Variants in LRRC20 observed in about 807,000 individuals in gnomAD.
The protein encoded by LRRC20 is leucine-rich repeat-containing protein 20.
A neutral mutation model predicts 14.4 loss-of-function variants in LRRC20; 11 were observed. The observed-to-expected ratio is 0.77, with a 90% CI of 0.48 to 1.27. The LOEUF (loss-of-function observed/expected upper bound fraction) is 1.27. Ranked by LOEUF, LRRC20 falls within the 50% of genes most tolerant of loss-of-function variation. The probability of loss-of-function intolerance (pLI) is 0.00; values close to 1 mark genes in which losing one functional copy is unlikely to be tolerated. For synonymous variants in LRRC20, 121 were observed against 107.3 expected, an observed-to-expected ratio of 1.13 and a Z score of -0.79; for missense variants, 219 against 251.2, an observed-to-expected ratio of 0.87 and a Z score of 0.87.
intron 4 of LRRC20, among the ~76,000 whole-genome samples, chr10:70,312,869 G>A (rs1237487247): frequency 1.3e-5 from 2 of 152,214 alleles, no homozygotes; most frequent in East Asian, 3.8e-4. Context: ...AGGATGGGAA[G>A]CACGGGATGT....
At position 70,374,037 on chromosome 10, in the gene LRRC20, G is replaced by T. The variant is rs1020295453; in HGVS notation, c.82+2415C>A. 2.0e-5 allele frequency among the ~76,000 whole-genome samples: 3 copies of T among 152,290 alleles called. No homozygotes were observed. In the South Asian group the frequency reaches 6.2e-4, roughly 32 times the overall value. On this transcript the variant is annotated intron_variant, in intron 2 of 4. Coordinates refer to ENST00000446961, the MANE Select transcript of LRRC20 (RefSeq NM_001278212.2). ...GACCTTGCAATCTCCAGTCCACAGAGGTTGAAGTTCAGGGGCTCCTCAACA... is the reference window on the plus strand; with the variant it reads ...GACCTTGCAATCTCCAGTCCACAGATGTTGAAGTTCAGGGGCTCCTCAACA...
Position 70,361,436 on chromosome 10 carries a change from A to G in LRRC20, c.82+15016T>C, listed in dbSNP as rs145327015. On this transcript the variant is annotated intron_variant, in intron 2 of 4. Transcript: ENST00000446961. The stretch of plus-strand genomic sequence containing the variant: ...ACTGCCCTCAAGAAAACAAAACGGT[A>G]TAATGGGAGAGCAGGTAACTGAGGC... 7.2e-5 allele frequency among the ~76,000 whole-genome samples: 11 copies of G among 152,368 alleles called. No individual in the cohort carries two copies. In the East Asian group the frequency reaches 2.1e-3, roughly 29 times the overall value.
chr10:70,365,554 G>A (rs1321873204), intron 2 of LRRC20, among the ~76,000 whole-genome samples: 2 of 152,176 alleles, frequency 1.3e-5, no homozygotes, highest in African/African-American at 4.8e-5. Context: ...GAGCCAGGCA[G>A]GTGGCATGCA....
At chr10:70,335,252 T>C (rs1373450013) in intron 3 of LRRC20, among the ~76,000 whole-genome samples, 1 of 152,222 alleles carries the variant, frequency 6.6e-6, no homozygotes. Flanking sequence ...CATTGCTGGA[T>C]GCTCCCCAAC....
intron 4 of LRRC20, among the ~76,000 whole-genome samples, chr10:70,303,336 T>G (rs1841288929): frequency 6.6e-6 from 1 of 152,144 alleles, no homozygotes; most frequent in Non-Finnish European, 1.5e-5. Context: ...TGGGTCTATC[T>G]AAGGGAGGTT....
intron 4 of LRRC20, among the ~76,000 whole-genome samples, chr10:70,321,028 C>T (rs1842059996): frequency 6.6e-6 from 1 of 152,134 alleles, no homozygotes; most frequent in Non-Finnish European, 1.5e-5. Flanking sequence ...TGGGGAGGTC[C>T]CTTTAGGGTG....
chr10:70,372,026 G>C (rs1438767044), intron 2 of LRRC20, among the ~76,000 whole-genome samples: 1 of 152,040 alleles, frequency 6.6e-6, no homozygotes, highest in South Asian at 2.1e-4. Context: ...CTCTACAGGG[G>C]ATCTCCCACT....
At chr10:70,343,221 G>C (rs1842974606) in intron 2 of LRRC20, among the ~76,000 whole-genome samples, 1 of 152,126 alleles carries the variant, frequency 6.6e-6, no homozygotes, top group African/African-American at 2.4e-5. Context: ...ACCCTGTGTT[G>C]TATTAATCCC....
At chr10:70,331,414 C>A (rs1460243093) in intron 3 of LRRC20, among the ~76,000 whole-genome samples, 2 of 152,152 alleles carry the variant, frequency 1.3e-5, no homozygotes, top group Admixed American at 1.3e-4. Context: ...CCAAACCAGG[C>A]ATTTAAGGTT....
chr10:70,320,818 A>G (rs1021610727), intron 4 of LRRC20, among the ~76,000 whole-genome samples: 1 of 152,190 alleles, frequency 6.6e-6, no homozygotes, highest in Non-Finnish European at 1.5e-5. Context: ...AAGCAGACAG[A>G]AGTATCCTTG....
At chr10:70,341,700 G>A (rs967358110) in intron 2 of LRRC20, among the ~76,000 whole-genome samples, 1 of 152,252 alleles carries the variant, frequency 6.6e-6, no homozygotes, top group East Asian at 1.9e-4. Flanking sequence ...CCTGGGAGGT[G>A]GGAGTTACAG....
At chr10:70,302,972 AG>A (rs1401402950) in intron 4 of LRRC20, among the ~76,000 whole-genome samples, 5 of 151,872 alleles carry the variant, frequency 3.3e-5, no homozygotes, top group African/African-American at 1.2e-4. Context: ...GGCCTCCCAA[AG>A]TGCTGGGATT....
intron 3 of LRRC20, among the ~76,000 whole-genome samples, chr10:70,328,336 G>A (rs1304102940): frequency 2.0e-5 from 3 of 151,050 alleles, no homozygotes; most frequent in Admixed American, 6.6e-5. Context: ...TTGCTCTTTC[G>A]CCCAGGCTGG....
At chr10:70,343,726 G>A (rs1416178398) in intron 2 of LRRC20, among the ~76,000 whole-genome samples, 1 of 152,176 alleles carries the variant, frequency 6.6e-6, no homozygotes, top group African/African-American at 2.4e-5. Context: ...TATATTAAGG[G>A]CTGGAAAGAA....
At chr10:70,361,159 C>T (rs904569784) in intron 2 of LRRC20, among the ~76,000 whole-genome samples, 3 of 152,140 alleles carry the variant, frequency 2.0e-5, no homozygotes, top group Non-Finnish European at 2.9e-5. Flanking sequence ...TGGCTGTGAG[C>T]GTCCACACAA....
intron 3 of LRRC20, among the ~76,000 whole-genome samples, chr10:70,335,699 G>T (rs1842706800): frequency 6.6e-6 from 1 of 152,178 alleles, no homozygotes; most frequent in South Asian, 2.1e-4. Context: ...CACCCAGGCA[G>T]ATGACTCCTT....
chr10:70,314,198 G>C (rs988051956), intron 4 of LRRC20, among the ~76,000 whole-genome samples: 1 of 152,014 alleles, frequency 6.6e-6, no homozygotes, highest in Non-Finnish European at 1.5e-5. Context: ...ATGAGATTTG[G>C]GTGGGGACAC....
chr10:70,356,253 C>A (rs148931925), intron 2 of LRRC20, among the ~76,000 whole-genome samples: 2 of 152,126 alleles, frequency 1.3e-5, no homozygotes, highest in African/African-American at 4.8e-5. Flanking sequence ...GGCTCACGCC[C>A]GTAACCCAAG....
intron 3 of LRRC20, among the ~76,000 whole-genome samples, chr10:70,340,120 CA>C (rs1172436748): frequency 0.018 from 2,281 of 125,034 alleles, 54 homozygotes; most frequent in African/African-American, 0.059. Context: ...GATTCCATCT[CA>C]AAAAAAAAAA....
Sources: allele counts gnomAD v4.1 joint callset (sites outside exome capture counted in the v4.1 genomes callset), GRCh38; gene constraint gnomAD v4.1.1; transcripts MANE v1.5; gene names NCBI Gene and HGNC (gene_info 2026-07-23, HGNC 2026-07-21).